Variants in MYLK observed in about 807,000 individuals in gnomAD.
MYLK encodes the protein myosin light chain kinase.
Under a neutral mutation model 203.4 loss-of-function variants are expected in MYLK, and 106 were observed. The ratio of observed to expected loss-of-function variants is 0.52; its 90% CI spans 0.45 to 0.61. The LOEUF (loss-of-function observed/expected upper bound fraction) is 0.61, where lower values mean the gene tolerates loss of function less well. Among genes scored for constraint, MYLK ranks in the 20% least tolerant of loss-of-function variants. The pLI, the probability that MYLK is intolerant of heterozygous loss-of-function variation, is 0.00. For synonymous variants in MYLK, 867 were observed against 959.5 expected (o/e 0.90, Z 1.78); for missense variants, 2,072 against 2,442.3 (o/e 0.85, Z 3.20).
At position 123,638,654 on chromosome 3, in the gene MYLK, G is replaced by A. The variant is rs58462843; in HGVS notation, c.4838-460C>T. The A allele has an allele frequency of 3.0e-3, 1,953 of 655,096 alleles. 36 individuals are homozygous for A. In the African/African-American group the frequency reaches 0.036, roughly 12 times the overall value. 40.6% of individuals were successfully genotyped at this position (655,096 alleles called of 1,614,324 possible). ...CATGAGTGAGGCCCAGGGAAGTGCA[G>A]TGATTTCCCCACCCGGTTAACAAGT... On this transcript the variant is annotated intron_variant, in intron 28 of 33. Coordinates refer to ENST00000360304, the MANE Select transcript of MYLK (RefSeq NM_053025.4).
intron 23 of MYLK, among the ~76,000 whole-genome samples, chr3:123,657,653 C>T (rs555423115): frequency 6.6e-5 from 10 of 152,310 alleles, no homozygotes; most frequent in Non-Finnish European, 1.3e-4. Context: ...AAGGCCCCCT[C>T]GCTTTTTTTT....
chr3:123,740,105 T>C, intron 5 of MYLK, 104 bp from the exon 6 acceptor site: 1 of 1,127,588 alleles, frequency 8.9e-7, no homozygotes, highest in Middle Eastern at 1.9e-4. Flanking sequence ...ATGGTGATCA[T>C]TAATCTTGAC....
chr3:123,770,156 C>CAAAA (rs59411359), intron 4 of MYLK, among the ~76,000 whole-genome samples: 8 of 83,944 alleles, frequency 9.5e-5, no homozygotes, highest in Admixed American at 8.2e-4. Flanking sequence ...ACTAAAAATA[C>CAAAA]AAAAAAAAAA....
At chr3:123,678,644 C>T (rs2060154783) in intron 20 of MYLK, among the ~76,000 whole-genome samples, 1 of 151,862 alleles carries the variant, frequency 6.6e-6, no homozygotes, top group African/African-American at 2.4e-5. Flanking sequence ...CACAGAGGAA[C>T]ACACACACAA....
At chr3:123,643,628 AC>A (rs1334420585) in intron 27 of MYLK, among the ~76,000 whole-genome samples, 1 of 152,226 alleles carries the variant, frequency 6.6e-6, no homozygotes, top group African/African-American at 2.4e-5. Flanking sequence ...AGAAACTGCC[AC>A]CCACAGTAAT....
chr3:123,818,007 C>CTATA (rs1224237195), intron 3 of MYLK, among the ~76,000 whole-genome samples: 1 of 152,168 alleles, frequency 6.6e-6, no homozygotes, highest in African/African-American at 2.4e-5. Context: ...TGCCCAGCTC[C>CTATA]TATAGCAGAG....
At chr3:123,630,114 G>A (rs2058348656) in intron 29 of MYLK, among the ~76,000 whole-genome samples, 1 of 152,114 alleles carries the variant, frequency 6.6e-6, no homozygotes, top group Admixed American at 6.5e-5. Context: ...AATAAGAGAG[G>A]CTCAGCAAGT....
intron 22 of MYLK, among the ~76,000 whole-genome samples, 164 bp from the exon 23 acceptor site, chr3:123,664,422 C>T (rs1287198230): frequency 6.6e-6 from 1 of 152,154 alleles, no homozygotes; most frequent in Non-Finnish European, 1.5e-5. Flanking sequence ...CCCCTTCTCT[C>T]CTACATCCAG....
chr3:123,836,137 T>A (rs2066470236), intron 2 of MYLK, among the ~76,000 whole-genome samples: 1 of 152,234 alleles, frequency 6.6e-6, no homozygotes, highest in African/African-American at 2.4e-5. Flanking sequence ...AAAACTATGA[T>A]CAAATAAATT....
intron 28 of MYLK, chr3:123,638,790 C>A (rs2058733870): frequency 3.0e-5 from 30 of 985,308 alleles, no homozygotes; most frequent in Non-Finnish European, 3.6e-5. Flanking sequence ...CCTTCAGGAG[C>A]TACTGGTAGG....
At chr3:123,721,406 C>T (rs541504767) in intron 13 of MYLK, among the ~76,000 whole-genome samples, 53 of 152,248 alleles carry the variant, frequency 3.5e-4, no homozygotes, top group African/African-American at 1.1e-3. Context: ...AGCACTTCCA[C>T]GGGAACTGTC....
At chr3:123,794,271 G>C (rs1176331320) in intron 3 of MYLK, among the ~76,000 whole-genome samples, 3 of 152,242 alleles carry the variant, frequency 2.0e-5, no homozygotes, top group African/African-American at 7.2e-5. Flanking sequence ...AGTAGAAACT[G>C]CTTTAGCCTG....
chr3:123,629,515 A>G lies in MYLK; in HGVS notation c.5073T>C (p.Asp1691=). 1 of 1,614,210 alleles carries G rather than the reference A, an allele frequency of 6.2e-7. No individual in the cohort carries two copies. Among genetic ancestry groups the G allele is most frequent in the Non-Finnish European group, 8.5e-7 (1 of 1,180,038 alleles). ...GCAGATTGCTGATGAAATCCTTGGCATCGTCGGAGATCTCATCGAATGCCT... is the reference window on the plus strand; with the variant it reads ...GCAGATTGCTGATGAAATCCTTGGCGTCGTCGGAGATCTCATCGAATGCCT... The part of the protein sequence containing the change: ...DDEAFDEISD[D]AKDFISNLLK... The change falls in exon 30 of 34, where the codon GAT becomes GAC. Residue 1691 remains aspartate (D), a synonymous_variant. Coordinates refer to ENST00000360304, the MANE Select transcript of MYLK (RefSeq NM_053025.4). The surrounding 1 kb of genome is among the most constrained non-coding windows in gnomAD (Gnocchi z 4.4).
Position 123,700,549 on chromosome 3 carries a change from C to T in MYLK, c.2919G>A (p.Pro973=), listed in dbSNP as rs149482336. The T allele has an allele frequency of 1.7e-4, 281 of 1,613,398 alleles. No homozygotes were observed. Among genetic ancestry groups the T allele is most frequent in the Non-Finnish European group, 2.2e-4 (263 of 1,179,754 alleles). ...GAAAATCCGGGGTGGCAGGTTTTGG[C>T]GGTGGCACCTTCTCAGGCACGGGGG... ...SKTPVPEKVP[P]PKPATPDFRS... The change falls in exon 18 of 34, where the codon CCG becomes CCA. Residue 973 remains proline, a synonymous_variant. Transcript: ENST00000360304.
chr3:123,772,915 T>C (rs1396275504), intron 4 of MYLK, among the ~76,000 whole-genome samples: 1 of 152,030 alleles, frequency 6.6e-6, no homozygotes, highest in Non-Finnish European at 1.5e-5. Flanking sequence ...AACTTCATTT[T>C]TCTTTCCTAT....
intron 18 of MYLK, among the ~76,000 whole-genome samples, chr3:123,699,421 G>A (rs1303641466): frequency 3.3e-5 from 5 of 152,198 alleles, no homozygotes; most frequent in Non-Finnish European, 7.3e-5. Flanking sequence ...GTCTGCCCGT[G>A]AGTGTGTGCT....
chr3:123,774,335 A>T (rs923888691), intron 4 of MYLK, among the ~76,000 whole-genome samples: 3 of 152,056 alleles, frequency 2.0e-5, no homozygotes, highest in Non-Finnish European at 4.4e-5. Context: ...ACTGCATCAC[A>T]GTCCTCCGGA....
chr3:123,702,992 T>G (rs1262775345), intron 16 of MYLK, among the ~76,000 whole-genome samples: 1 of 152,194 alleles, frequency 6.6e-6, no homozygotes, highest in African/African-American at 2.4e-5. Context: ...CATGCACATA[T>G]GTAGTTATCA....
At chr3:123,860,804 A>T (rs1213662827) in intron 2 of MYLK, among the ~76,000 whole-genome samples, 1 of 152,168 alleles carries the variant, frequency 6.6e-6, no homozygotes, top group African/African-American at 2.4e-5. Context: ...GTGTCAGAGT[A>T]AAATGCATAG....
Sources: allele counts gnomAD v4.1 joint callset (sites outside exome capture counted in the v4.1 genomes callset), GRCh38; gene constraint gnomAD v4.1.1; non-coding constraint Gnocchi (gnomAD v3.1); transcripts MANE v1.5; gene names NCBI Gene and HGNC (gene_info 2026-07-23, HGNC 2026-07-21).